The following XKR6 variants were observed in gnomAD, a reference collection of about 807,000 sequenced individuals.
The protein encoded by XKR6 is XK-related protein 6.
Under a neutral mutation model 56.7 loss-of-function variants are expected in XKR6, and 22 were observed. The ratio of observed to expected loss-of-function variants is 0.39; its 90% CI spans 0.28 to 0.55. The LOEUF (loss-of-function observed/expected upper bound fraction) is 0.55. XKR6 is among the 20% of genes least tolerant of loss of function. The probability of loss-of-function intolerance (pLI) is 0.66; values close to 1 mark genes in which losing one functional copy is unlikely to be tolerated. For missense variants in XKR6, 852 were observed against 889.0 expected (o/e 0.96, Z 0.53); for synonymous variants, 524 against 387.8 (o/e 1.35, Z -4.13).
chr8:11,195,217 G>T (rs553787110), intron 1 of XKR6: 181 of 702,500 alleles, frequency 2.6e-4, no homozygotes, highest in African/African-American at 2.4e-3. Flanking sequence ...AAAGGGTCTT[G>T]CCCACTGCAA....
chr8:11,057,282 C>T (rs994514559), intron 1 of XKR6, among the ~76,000 whole-genome samples: 2 of 152,134 alleles, frequency 1.3e-5, no homozygotes, highest in Non-Finnish European at 2.9e-5. Context: ...TCACTAGATA[C>T]CTTATTTATT....
At chr8:11,188,694 T>C (rs1160750939) in intron 1 of XKR6, among the ~76,000 whole-genome samples, 3 of 152,172 alleles carry the variant, frequency 2.0e-5, no homozygotes, top group Non-Finnish European at 4.4e-5. Context: ...AAAGCTGTCT[T>C]CCTTATGACC....
intron 1 of XKR6, among the ~76,000 whole-genome samples, chr8:11,045,781 C>A (rs746760323): frequency 1.3e-5 from 2 of 152,172 alleles, no homozygotes; most frequent in African/African-American, 4.8e-5. Context: ...AGAGGCAGTG[C>A]ACTGGTGTGA....
At chr8:11,070,377 T>C (rs1260346008) in intron 1 of XKR6, among the ~76,000 whole-genome samples, 1 of 152,206 alleles carries the variant, frequency 6.6e-6, no homozygotes, top group South Asian at 2.1e-4. Flanking sequence ...TAAAGGAACA[T>C]TTTTGCTAGA....
At chr8:11,129,928 C>A (rs751812931) in intron 1 of XKR6, among the ~76,000 whole-genome samples, 1 of 152,068 alleles carries the variant, frequency 6.6e-6, no homozygotes. Context: ...TGAGGAAAAA[C>A]GCTATCTGAG....
At chr8:10,924,193 G>A (rs760584027) in intron 2 of XKR6, among the ~76,000 whole-genome samples, 1 of 152,216 alleles carries the variant, frequency 6.6e-6, no homozygotes, top group African/African-American at 2.4e-5. Context: ...TTTGAAGCAA[G>A]AGCACCACAG....
intron 1 of XKR6, among the ~76,000 whole-genome samples, chr8:11,197,157 C>T (rs1425833376): frequency 6.6e-6 from 1 of 152,306 alleles, no homozygotes; most frequent in East Asian, 1.9e-4. Context: ...CACTGACGAT[C>T]CTCTTAAATA....
chr8:11,023,381 C>T (rs1302132151), intron 1 of XKR6, among the ~76,000 whole-genome samples: 1 of 152,214 alleles, frequency 6.6e-6, no homozygotes, highest in Non-Finnish European at 1.5e-5. Flanking sequence ...AATCCTCTAA[C>T]CTCAGCCTTC....
chr8:11,110,569 C>G (rs989401981), intron 1 of XKR6, among the ~76,000 whole-genome samples: 1 of 152,158 alleles, frequency 6.6e-6, no homozygotes, highest in Non-Finnish European at 1.5e-5. Flanking sequence ...TGATCCATTT[C>G]CAAGTTGCTC....
intron 1 of XKR6, among the ~76,000 whole-genome samples, chr8:11,085,307 G>A (rs1487633337): frequency 6.6e-6 from 1 of 152,190 alleles, no homozygotes; most frequent in Non-Finnish European, 1.5e-5. Flanking sequence ...CTCACTCACA[G>A]GGTCCTTGGA....
chr8:10,998,480 G>A (rs970902569), intron 1 of XKR6, among the ~76,000 whole-genome samples: 1 of 152,158 alleles, frequency 6.6e-6, no homozygotes, highest in Non-Finnish European at 1.5e-5. Flanking sequence ...TGACAGGCCT[G>A]GTAAGAGCTC....
At chr8:11,097,758 G>T (rs926310954) in intron 1 of XKR6, among the ~76,000 whole-genome samples, 2 of 129,108 alleles carry the variant, frequency 1.5e-5, no homozygotes, top group African/African-American at 6.2e-5. Flanking sequence ...AGTGAGCCAA[G>T]ATCACGCCAC....
intron 1 of XKR6, among the ~76,000 whole-genome samples, chr8:10,949,253 C>G (rs1322726771): frequency 6.6e-6 from 1 of 152,266 alleles, no homozygotes; most frequent in African/African-American, 2.4e-5. Context: ...TTTCTAAGTC[C>G]CTTCCATGCC....
chr8:10,933,015 C>T (rs6992033), intron 1 of XKR6, among the ~76,000 whole-genome samples: 80,677 of 150,388 alleles, frequency 0.54, 23,510 homozygotes, highest in African/African-American at 0.7. Context: ...ACTTCCACAA[C>T]GGTTGAACTA....
chr8:11,159,692 G>C (rs1801697536), intron 1 of XKR6, among the ~76,000 whole-genome samples: 1 of 152,200 alleles, frequency 6.6e-6, no homozygotes, highest in African/African-American at 2.4e-5. Flanking sequence ...ATGCAGACCA[G>C]TCTGAAAACT....
chr8:11,117,103 A>G (rs1173831964), intron 1 of XKR6, among the ~76,000 whole-genome samples: 2 of 152,188 alleles, frequency 1.3e-5, no homozygotes, highest in African/African-American at 2.4e-5. Flanking sequence ...ATAAAAACAA[A>G]TGCTATTTAT....
chr8:11,088,549 G>A lies in XKR6; in HGVS notation c.764+112027C>T, dbSNP rs141028764. On this transcript the variant is annotated intron_variant, in intron 1 of 2. Transcript: ENST00000416569. Reference sequence around the variant, plus strand: ...TCTCAGTAAATGAAAGGGCTGAATGGCCAGAGTAGGACCTAACACCTTTCC... The same window carrying A: ...TCTCAGTAAATGAAAGGGCTGAATGACCAGAGTAGGACCTAACACCTTTCC... 5.8e-4 allele frequency among the ~76,000 whole-genome samples: 89 copies of A among 152,308 alleles called. 1 individual carries two copies. Among genetic ancestry groups the A allele is most frequent in the Non-Finnish European group, 2.2e-4 (15 of 68,030 alleles).
chr8:11,160,495 T>G (rs1021936833), intron 1 of XKR6, among the ~76,000 whole-genome samples: 2 of 152,200 alleles, frequency 1.3e-5, no homozygotes, highest in East Asian at 3.8e-4. Context: ...GCATCATAAC[T>G]GTCTTCCACT....
At chr8:11,172,015 T>G (rs1428694791) in intron 1 of XKR6, among the ~76,000 whole-genome samples, 1 of 150,582 alleles carries the variant, frequency 6.6e-6, no homozygotes, top group Non-Finnish European at 1.5e-5. Context: ...ATCACGCCAT[T>G]GCACTCCAGA....
Sources: allele counts gnomAD v4.1 joint callset (sites outside exome capture counted in the v4.1 genomes callset), GRCh38; gene constraint gnomAD v4.1.1; transcripts MANE v1.5; gene names NCBI Gene and HGNC (gene_info 2026-07-23, HGNC 2026-07-21).